The following HACD4 variants were observed in gnomAD, a reference collection of about 807,000 sequenced individuals.
HACD4 encodes the protein 3-hydroxyacyl-CoA dehydratase 4.
A neutral mutation model predicts 33.3 loss-of-function variants in HACD4; 35 were observed. The observed-to-expected ratio is 1.05, with a 90% CI of 0.80 to 1.39. The LOEUF (loss-of-function observed/expected upper bound fraction) is 1.39, where lower values mean the gene tolerates loss of function less well. Ranked by LOEUF, HACD4 falls within the 40% of genes most tolerant of loss-of-function variation. The pLI is 0.00. For synonymous variants in HACD4, 118 were observed against 98.0 expected (o/e 1.20, Z -1.21); for missense variants, 323 against 276.5 (o/e 1.17, Z -1.19).
At chr9:21,017,473 A>G (rs1216872411) in intron 3 of HACD4, among the ~76,000 whole-genome samples, 4 of 152,186 alleles carry the variant, frequency 2.6e-5, no homozygotes, top group Non-Finnish European at 5.9e-5. Flanking sequence ...ACTGAACTGC[A>G]ATTATAATTA....
At chr9:21,008,607 A>C (rs1049509397) in intron 5 of HACD4, among the ~76,000 whole-genome samples, 4 of 152,274 alleles carry the variant, frequency 2.6e-5, no homozygotes, top group African/African-American at 9.6e-5. Context: ...CTGGCCTTAG[A>C]ATATCTCCTT....
At chr9:21,027,796 A>C (rs994322291) in intron 2 of HACD4, among the ~76,000 whole-genome samples, 1 of 152,210 alleles carries the variant, frequency 6.6e-6, no homozygotes. Context: ...GTGTTTCTTT[A>C]ATAATAAGCT....
chr9:21,006,831 G>T lies in HACD4; in HGVS notation c.*206C>A, dbSNP rs1587822771. ...GAAGCAGGAATTTTGGTGAAGCAGGGTATGGAGAATATATATGTCTTAAAA... is the reference window on the plus strand; with the variant it reads ...GAAGCAGGAATTTTGGTGAAGCAGGTTATGGAGAATATATATGTCTTAAAA... On this transcript the variant is annotated 3_prime_UTR_variant, in exon 7 of 7. Coordinates refer to ENST00000495827, the MANE Select transcript of HACD4 (RefSeq NM_001010915.5). This position sits in a 1 kb window ranked among gnomAD's most constrained non-coding sequence, Gnocchi z 4.6. 7.4e-6 allele frequency: 4 copies of T among 541,658 alleles called. No individual in the cohort carries two copies. In the East Asian group the frequency reaches 1.3e-4, roughly 18 times the overall value. 33.6% of individuals were successfully genotyped at this position (541,658 alleles called of 1,614,324 possible).
chr9:21,029,773 G>C (rs980964197), intron 1 of HACD4, among the ~76,000 whole-genome samples: 1 of 152,166 alleles, frequency 6.6e-6, no homozygotes. Flanking sequence ...GCTTACAGTT[G>C]GGTGGAATCA....
intron 3 of HACD4, among the ~76,000 whole-genome samples, chr9:21,024,214 A>G (rs572560391): frequency 6.6e-6 from 1 of 152,396 alleles, no homozygotes; most frequent in South Asian, 2.1e-4. Context: ...ATGATAAATT[A>G]ATAAAAGAAA....
rs1181164203 is a variant in HACD4, at chr9:21,006,651, T to C, written c.*386A>G. On this transcript the variant is annotated 3_prime_UTR_variant, in exon 7 of 7. Transcript: ENST00000495827. This position sits in a 1 kb window ranked among gnomAD's most constrained non-coding sequence, Gnocchi z 4.6. ...TTCTCCTACAGATCTATTTGGGAAC[T>C]TGGAAGTGAAAAAGAATACATGTAA... is the stretch of plus-strand genomic sequence containing the variant. The C allele has an allele frequency of 4.2e-6, 1 of 238,716 alleles. No homozygotes were observed. The highest frequency in any genetic ancestry group is 2.4e-5 in the African/African-American group (1 of 42,156). The allele number at this position is 238,716 out of a possible 1,614,324, so 14.8% of individuals were successfully genotyped here. A position where few individuals can be genotyped will look rare whatever the true frequency, so the allele number is the denominator to read the frequency against.
chr9:21,028,224 G>C (rs762782513), intron 2 of HACD4, among the ~76,000 whole-genome samples: 18 of 152,062 alleles, frequency 1.2e-4, no homozygotes, highest in Non-Finnish European at 2.6e-4. Context: ...TTTCTCACTG[G>C]AAAGGTGAGA....
chr9:21,021,817 T>C (rs940206087), intron 3 of HACD4, among the ~76,000 whole-genome samples: 16 of 152,130 alleles, frequency 1.1e-4, no homozygotes, highest in Non-Finnish European at 2.4e-4. Context: ...AGGTAATTTA[T>C]AGATTCAATG....
At chr9:21,027,479 A>C (rs915061047) in intron 2 of HACD4, among the ~76,000 whole-genome samples, 9 of 152,210 alleles carry the variant, frequency 5.9e-5, no homozygotes, top group Non-Finnish European at 1.0e-4. Context: ...TGATTCACAC[A>C]ATAATAATTT....
chr9:21,018,667 A>G (rs961493965), intron 3 of HACD4, among the ~76,000 whole-genome samples: 1 of 152,192 alleles, frequency 6.6e-6, no homozygotes, highest in African/African-American at 2.4e-5. Context: ...AAATATGACA[A>G]ATTACTAGAG....
intron 5 of HACD4, among the ~76,000 whole-genome samples, chr9:21,009,574 T>TTTTATGGC (rs1842360903): frequency 6.6e-6 from 1 of 152,338 alleles, no homozygotes; most frequent in South Asian, 2.1e-4. Flanking sequence ...CATAATTGTA[T>TTTTATGGC]ACATATATGA....
intron 3 of HACD4, among the ~76,000 whole-genome samples, chr9:21,024,920 T>G (rs371731696): frequency 6.6e-6 from 1 of 152,328 alleles, no homozygotes; most frequent in South Asian, 2.1e-4. Context: ...ACGTTAGTTG[T>G]TAATTCTATT....
At chr9:21,012,685 G>T (rs1051342081) in intron 4 of HACD4, among the ~76,000 whole-genome samples, 12 of 152,132 alleles carry the variant, frequency 7.9e-5, no homozygotes, top group Non-Finnish European at 1.6e-4. Flanking sequence ...CAAGCTTTTT[G>T]ATCTTTACCA....
intron 3 of HACD4, among the ~76,000 whole-genome samples, chr9:21,020,238 A>T (rs946878704): frequency 1.3e-5 from 2 of 152,246 alleles, no homozygotes; most frequent in Middle Eastern, 6.8e-3. Context: ...ATTATGACAC[A>T]GAGGGAAGGA....
At chr9:21,022,349 T>G (rs1413318998) in intron 3 of HACD4, among the ~76,000 whole-genome samples, 1 of 152,040 alleles carries the variant, frequency 6.6e-6, no homozygotes, top group East Asian at 1.9e-4. Context: ...CCAAAAGCAA[T>G]GGCAACAAAA....
intron 3 of HACD4, among the ~76,000 whole-genome samples, chr9:21,021,853 TTTC>T (rs757547846): frequency 6.6e-6 from 1 of 152,162 alleles, no homozygotes; most frequent in Non-Finnish European, 1.5e-5. Context: ...TACCAATGAC[TTTC>T]TTCACGGAAC....
intron 1 of HACD4, among the ~76,000 whole-genome samples, chr9:21,030,352 C>CA (rs1173782929): frequency 6.6e-6 from 1 of 150,852 alleles, no homozygotes; most frequent in Admixed American, 6.6e-5. Flanking sequence ...TGAGGCAGGA[C>CA]AATCACTTGA....
chr9:21,020,135 A>C (rs1027516398), intron 3 of HACD4, among the ~76,000 whole-genome samples: 23 of 152,142 alleles, frequency 1.5e-4, no homozygotes, highest in African/African-American at 4.8e-4. Flanking sequence ...CTCCGTAAGC[A>C]CAATCATTTA....
rs1818067856 is a variant in HACD4, at chr9:21,026,644, G to A, written c.222C>T (p.His74=). Residue 74 remains histidine, a synonymous_variant, in exon 3 of 7, where the codon CAC becomes CAT. Coordinates refer to ENST00000495827, the MANE Select transcript of HACD4 (RefSeq NM_001010915.5). ...GGTTTGACTCAATGCCAACATATAT[G>A]TGCAGCAGTTCCAGGAGAGATACGG... ...CQSVSLLELL[H]IYVGIESNHL... is the part of the protein sequence containing the mutation. The A allele has an allele frequency of 1.2e-6, 2 of 1,613,496 alleles. No individual in the cohort carries two copies. Among genetic ancestry groups the A allele is most frequent in the East Asian group, 2.2e-5 (1 of 44,868 alleles).
Sources: allele counts gnomAD v4.1 joint callset (sites outside exome capture counted in the v4.1 genomes callset), GRCh38; gene constraint gnomAD v4.1.1; non-coding constraint Gnocchi (gnomAD v3.1); transcripts MANE v1.5; gene names NCBI Gene and HGNC (gene_info 2026-07-23, HGNC 2026-07-21).